Variants in AKAP6 observed in about 807,000 individuals in gnomAD.
AKAP6 encodes the protein A-kinase anchoring protein 6.
AKAP6 carries 58 observed loss-of-function variants against 188.5 expected under a neutral mutation model. The observed-to-expected ratio is 0.31, with a 90% CI of 0.25 to 0.38. The LOEUF is 0.38. AKAP6 is among the 10% of genes least tolerant of loss of function. AKAP6 has a pLI of 1.00. For missense variants in AKAP6, 2,710 were observed against 2,740.0 expected, an observed-to-expected ratio of 0.99 and a Z score of 0.24; for synonymous variants, 989 against 998.6, an observed-to-expected ratio of 0.99 and a Z score of 0.18.
At chr14:32,485,412 A>T (rs1879629019) in intron 2 of AKAP6, among the ~76,000 whole-genome samples, 1 of 152,222 alleles carries the variant, frequency 6.6e-6, no homozygotes, top group East Asian at 1.9e-4. Flanking sequence ...TGGTTGAAAT[A>T]ATTTACACTC....
At chr14:32,562,177 A>G (rs1453190275) in intron 4 of AKAP6, among the ~76,000 whole-genome samples, 2 of 151,996 alleles carry the variant, frequency 1.3e-5, no homozygotes, top group African/African-American at 4.8e-5. Context: ...TGTTTTGTCT[A>G]GGAATAAAGG....
At chr14:32,615,295 T>C (rs1261251533) in intron 7 of AKAP6, among the ~76,000 whole-genome samples, 1 of 151,428 alleles carries the variant, frequency 6.6e-6, no homozygotes, top group Non-Finnish European at 1.5e-5. Context: ...AGGTCAAGGA[T>C]AATGCTTAAT....
At position 32,823,112 on chromosome 14, in the gene AKAP6, G is replaced by A. The variant is rs1426344273; in HGVS notation, c.5299G>A (p.Glu1767Lys). 1.2e-6 allele frequency: 2 copies of A among 1,613,676 alleles called. No individual in the cohort carries two copies. The highest frequency in any genetic ancestry group is 1.7e-6 in the Non-Finnish European group (2 of 1,179,884). The part of the protein sequence containing the change: ...SSSTLTLTEE[E>K]LCIKDEDDDS... ...CTCTACCCTTACCTTGACTGAAGAA[G>A]AGCTGTGCATCAAAGATGAGGATGA... Residue 1767 changes from glutamate to lysine, a missense_variant, in exon 13 of 14, where the codon GAG becomes AAG. By Grantham distance (56) the Glu-to-Lys change is moderately conservative. Coordinates refer to ENST00000280979, the MANE Select transcript of AKAP6 (RefSeq NM_004274.5).
chr14:32,608,081 A>G (rs1362763478), intron 7 of AKAP6, among the ~76,000 whole-genome samples: 3 of 152,310 alleles, frequency 2.0e-5, no homozygotes, highest in Middle Eastern at 3.4e-3. Context: ...TATAAGATGT[A>G]TGGGTGGATC....
intron 5 of AKAP6, among the ~76,000 whole-genome samples, chr14:32,581,842 G>T (rs1156329598): frequency 1.3e-5 from 2 of 151,912 alleles, no homozygotes; most frequent in Non-Finnish European, 2.9e-5. Flanking sequence ...TTTTCCATTT[G>T]CTTGGTAGAT....
At chr14:32,749,270 C>T (rs75171964) in intron 11 of AKAP6, among the ~76,000 whole-genome samples, 2,520 of 152,200 alleles carry the variant, frequency 0.017, 63 homozygotes, top group African/African-American at 0.057. Flanking sequence ...GTAAGAGCTA[C>T]CTTTTTCCAT....
intron 7 of AKAP6, among the ~76,000 whole-genome samples, chr14:32,626,269 C>A (rs1441700989): frequency 2.6e-5 from 4 of 152,092 alleles, no homozygotes; most frequent in Non-Finnish European, 5.9e-5. Flanking sequence ...TTAATGTTGG[C>A]ATTGTCTACC....
intron 1 of AKAP6, among the ~76,000 whole-genome samples, chr14:32,348,408 C>CTTTTTTTTTT (rs1235466012): frequency 1.2e-4 from 11 of 88,718 alleles, no homozygotes; most frequent in South Asian, 1.2e-3. Context: ...TCTTTCTTTT[C>CTTTTTTTTTT]TTTTGTTTCT....
intron 7 of AKAP6, among the ~76,000 whole-genome samples, chr14:32,636,628 T>C (rs183464186): frequency 5.7e-4 from 87 of 152,180 alleles, no homozygotes; most frequent in African/African-American, 1.9e-3. Flanking sequence ...GGGAATCACA[T>C]AGCTTTCTGA....
chr14:32,822,131 G>C lies in AKAP6; in HGVS notation c.4318G>C (p.Val1440Leu). The stretch of plus-strand genomic sequence containing the variant: ...ACCAGTGGGTTGTGTAAATGGAAAA[G>C]TTGGAGATTTAAACAGTATTACCAA... ...ISPVGCVNGK[V>L]GDLNSITKHT... Residue 1440 changes from valine (V) to leucine (L), a missense_variant, in exon 13 of 14, where the codon GTT (valine) becomes CTT (leucine). By Grantham distance (32) the Val-to-Leu change is conservative. Coordinates refer to ENST00000280979, the MANE Select transcript of AKAP6 (RefSeq NM_004274.5). The C allele has an allele frequency of 6.2e-7, 1 of 1,613,898 alleles. No individual in the cohort carries two copies. Among genetic ancestry groups the C allele is most frequent in the Non-Finnish European group, 8.5e-7 (1 of 1,179,936 alleles).
At chr14:32,668,280 G>T (rs1660315660) in intron 7 of AKAP6, among the ~76,000 whole-genome samples, 1 of 152,066 alleles carries the variant, frequency 6.6e-6, no homozygotes, top group African/African-American at 2.4e-5. Flanking sequence ...GGAGAGGGTG[G>T]TAGTAGATAA....
chr14:32,815,770 C>T (rs2034362479), intron 12 of AKAP6, among the ~76,000 whole-genome samples: 1 of 152,200 alleles, frequency 6.6e-6, no homozygotes, highest in Admixed American at 6.5e-5. Flanking sequence ...AGTCATTCCA[C>T]CCCTGCTGTG....
chr14:32,741,819 GTTTTTTTTT>G (rs34015837), intron 11 of AKAP6, among the ~76,000 whole-genome samples: 18 of 70,708 alleles, frequency 2.5e-4, no homozygotes, highest in African/African-American at 7.5e-4. Context: ...TAGCCTGTAG[GTTTTTTTTT>G]TTTTTTTTTT....
At position 32,552,743 on chromosome 14, in the gene AKAP6, T is replaced by C. The variant is rs184560880; in HGVS notation, c.2346+5744T>C. ...AAAGTCAAAAGTCTTTTTTAAAAAA[T>C]TGAAGCTTATTTGAAGGCAGAAGTG... On this transcript the variant is annotated intron_variant, in intron 4 of 13. Coordinates refer to ENST00000280979, the MANE Select transcript of AKAP6 (RefSeq NM_004274.5). 9.2e-5 allele frequency among the ~76,000 whole-genome samples: 14 copies of C among 152,150 alleles called. No homozygotes were observed. The East Asian group carries it at 2.5e-3, about 27-fold the overall frequency.
intron 7 of AKAP6, among the ~76,000 whole-genome samples, chr14:32,664,062 G>A (rs1888816809): frequency 6.6e-6 from 1 of 152,054 alleles, no homozygotes; most frequent in South Asian, 2.1e-4. Context: ...ATAAGCAAAA[G>A]TGAGATAAAG....
chr14:32,525,312 G>A (rs114166005), intron 2 of AKAP6, among the ~76,000 whole-genome samples: 1,751 of 152,294 alleles, frequency 0.011, 45 homozygotes, highest in African/African-American at 0.039. Flanking sequence ...TAAAGTGATA[G>A]CTCAATAAAT....
intron 2 of AKAP6, among the ~76,000 whole-genome samples, chr14:32,510,451 C>CACATAT (rs1555335176): frequency 2.8e-5 from 1 of 35,826 alleles, no homozygotes; most frequent in Non-Finnish European, 5.8e-5. Flanking sequence ...TATATATATA[C>CACATAT]ATATATATGT....
intron 1 of AKAP6, among the ~76,000 whole-genome samples, chr14:32,375,020 A>T (rs1888116186): frequency 6.6e-6 from 1 of 152,232 alleles, no homozygotes; most frequent in East Asian, 1.9e-4. Flanking sequence ...AGAGTGAAAC[A>T]AATTAGAAAC....
chr14:32,770,741 G>T (rs1179655220), intron 11 of AKAP6, among the ~76,000 whole-genome samples: 1 of 152,210 alleles, frequency 6.6e-6, no homozygotes, highest in Non-Finnish European at 1.5e-5. Flanking sequence ...ACATACTTCT[G>T]TTAGCACCTT....
Sources: allele counts gnomAD v4.1 joint callset (sites outside exome capture counted in the v4.1 genomes callset), GRCh38; gene constraint gnomAD v4.1.1; transcripts MANE v1.5; gene names NCBI Gene and HGNC (gene_info 2026-07-23, HGNC 2026-07-21).